The following AHCY variants were observed in gnomAD, a reference collection of about 807,000 sequenced individuals.
AHCY encodes adenosylhomocysteinase, also known as S-adenosyl-L-homocysteine hydrolase.
A neutral mutation model predicts 45.4 loss-of-function variants in AHCY; 24 were observed. The ratio of observed to expected loss-of-function variants is 0.53; its 90% CI spans 0.38 to 0.74. AHCY has a LOEUF of 0.74. AHCY is among the 30% of genes least tolerant of loss of function. The probability of loss-of-function intolerance (pLI) is 0.00; values close to 1 mark genes in which losing one functional copy is unlikely to be tolerated. For synonymous variants in AHCY, 245 were observed against 235.1 expected, an observed-to-expected ratio of 1.04 and a Z score of -0.39; for missense variants, 449 against 594.1, an observed-to-expected ratio of 0.76 and a Z score of 2.54.
the AHCY span, among the ~76,000 whole-genome samples, chr20:34,250,517 GC>G: frequency 6.6e-6 from 1 of 152,088 alleles, no homozygotes; most frequent in Non-Finnish European, 1.5e-5. Flanking sequence ...AATTAAAAAG[GC>G]CGAGCACGGT....
At chr20:34,300,546 G>A (rs117592090) in intron 1 of AHCY, among the ~76,000 whole-genome samples, 2,552 of 146,168 alleles carry the variant, frequency 0.017, 39 homozygotes, top group Non-Finnish European at 0.027. Context: ...GGCCTGGAAG[G>A]CTCCTCTCAA....
chr20:34,284,596 G>T (rs560628327), intron 9 of AHCY, among the ~76,000 whole-genome samples: 1 of 152,212 alleles, frequency 6.6e-6, no homozygotes, highest in Non-Finnish European at 1.5e-5. Context: ...CGAGGCGGGT[G>T]GATCACTTGA....
At chr20:34,256,867 A>G in the AHCY span, among the ~76,000 whole-genome samples, 1 of 151,926 alleles carries the variant, frequency 6.6e-6, no homozygotes, top group African/African-American at 2.4e-5. Context: ...TGTAGCCTCA[A>G]CTTCCTGGGG....
the AHCY span, among the ~76,000 whole-genome samples, chr20:34,270,735 G>A: frequency 8.5e-5 from 13 of 152,344 alleles, no homozygotes; most frequent in Non-Finnish European, 1.6e-4. Context: ...TCTCCTTACA[G>A]AGCTTATGGG....
At chr20:34,262,808 T>G in the AHCY span, 2 of 1,613,588 alleles carry the variant, frequency 1.2e-6, no homozygotes, top group South Asian at 2.2e-5. Flanking sequence ...CATCTGACTT[T>G]GCTCCTTTTG....
chr20:34,261,062 C>A, the AHCY span, among the ~76,000 whole-genome samples: 1 of 152,200 alleles, frequency 6.6e-6, no homozygotes, highest in Non-Finnish European at 1.5e-5. Context: ...AGTTGAGGAA[C>A]TTGAGGCTTA....
the AHCY span, among the ~76,000 whole-genome samples, chr20:34,253,566 G>A: frequency 3.3e-5 from 5 of 151,646 alleles, no homozygotes; most frequent in East Asian, 1.9e-4. Flanking sequence ...TCCGCCTCCC[G>A]GTTCAAGCGA....
At chr20:34,299,153 G>A (rs56681478) in intron 1 of AHCY, among the ~76,000 whole-genome samples, 15,527 of 151,834 alleles carry the variant, frequency 0.1, 2,676 homozygotes, top group African/African-American at 0.35. Context: ...TCTCGTCGCC[G>A]CACACAGGGA....
Position 34,280,717 on chromosome 20 carries a change from G to A in AHCY, c.*317C>T. On this transcript the variant is annotated 3_prime_UTR_variant, in exon 10 of 10. Coordinates refer to ENST00000217426, the MANE Select transcript of AHCY (RefSeq NM_000687.4). ...AAGGCCTAGATGGCAAAACACATGG[G>A]CTTTGTGACTCCACTACTGACTTCC... 1 of 420,314 alleles carries A rather than the reference G, an allele frequency of 2.4e-6. No individual in the cohort carries two copies. Among genetic ancestry groups the A allele is most frequent in the South Asian group, 2.1e-5 (1 of 47,018 alleles). The allele number at this position is 420,314 out of a possible 1,614,324, so 26.0% of individuals were successfully genotyped here. A position where few individuals can be genotyped will look rare whatever the true frequency, so the allele number is the denominator to read the frequency against.
intron 1 of AHCY, chr20:34,302,903 G>T (rs528198029): frequency 2.0e-5 from 20 of 985,458 alleles, no homozygotes; most frequent in Non-Finnish European, 2.2e-5. Context: ...GAGGCCGGGC[G>T]CAGGCCCCCC....
intron 1 of AHCY, chr20:34,302,304 T>C (rs1180850103): frequency 6.5e-6 from 1 of 153,524 alleles, no homozygotes; most frequent in Non-Finnish European, 1.4e-5. Flanking sequence ...CCCGGTCCAA[T>C]AGTGTCAAAG....
chr20:34,263,676 T>C, the AHCY span, among the ~76,000 whole-genome samples: 14,667 of 147,348 alleles, frequency 0.1, 2,256 homozygotes, highest in African/African-American at 0.36. Flanking sequence ...TTTTTTTTTC[T>C]TTTTTTTTGA....
chr20:34,291,588 T>C (rs1003376969), intron 4 of AHCY, 57 bp from the exon 5 acceptor site: 3 of 1,457,828 alleles, frequency 2.1e-6, no homozygotes, highest in African/African-American at 1.4e-5. Flanking sequence ...CTCATGCAAA[T>C]TCCTCATCTT....
At chr20:34,303,153 G>A in intron 1 of AHCY, 90 bp downstream of exon 1, 1 of 1,540,968 alleles carries the variant, frequency 6.5e-7, no homozygotes, top group Non-Finnish European at 8.8e-7. Flanking sequence ...GGGGTCCAGA[G>A]AGCCCCGAGT....
At chr20:34,262,820 C>A in the AHCY span, 1 of 1,613,800 alleles carries the variant, frequency 6.2e-7, no homozygotes, top group Non-Finnish European at 8.5e-7. Context: ...CTCCTTTTGT[C>A]TCTCTTTGAA....
intron 9 of AHCY, among the ~76,000 whole-genome samples, chr20:34,285,208 C>G (rs2036131963): frequency 6.6e-6 from 1 of 152,146 alleles, no homozygotes; most frequent in African/African-American, 2.4e-5. Context: ...GGCCCAGGCT[C>G]TCCTCACCAC....
chr20:34,307,578 G>T (rs1406871037), upstream of AHCY, among the ~76,000 whole-genome samples: 1 of 152,040 alleles, frequency 6.6e-6, no homozygotes, highest in Non-Finnish European at 1.5e-5. Flanking sequence ...CTCCATGTTG[G>T]TCAGGCTGGT....
intron 1 of AHCY, chr20:34,302,618 T>C: frequency 1.0e-6 from 1 of 985,668 alleles, no homozygotes; most frequent in Non-Finnish European, 1.2e-6. Context: ...TGTATTACAC[T>C]TCAATCGGTG....
At chr20:34,240,898 G>A in the AHCY span, among the ~76,000 whole-genome samples, 948 of 152,216 alleles carry the variant, frequency 6.2e-3, 7 homozygotes, top group Middle Eastern at 0.01. Context: ...CAGACCACAA[G>A]ACTTCTGGCA....
Sources: gnomAD v4.1 joint callset for allele counts (sites outside exome capture counted in the v4.1 genomes callset) on GRCh38, gnomAD v4.1.1 for gene constraint, MANE v1.5 for transcripts, NCBI Gene and HGNC (gene_info 2026-07-23, HGNC 2026-07-21) for gene names.